The following LRCH2 variants were observed in gnomAD, a reference collection of about 807,000 sequenced individuals.
LRCH2 encodes leucine-rich repeat and calponin homology domain-containing protein 2.
In LRCH2, 38 loss-of-function variants were observed where a neutral mutation model predicts 68.9. The ratio of observed to expected loss-of-function variants is 0.55; its 90% CI spans 0.43 to 0.72. The LOEUF (loss-of-function observed/expected upper bound fraction) is 0.72, where lower values mean the gene tolerates loss of function less well. Ranked by LOEUF, LRCH2 falls within the 30% of genes least tolerant of loss-of-function variation. The pLI, the probability that LRCH2 is intolerant of heterozygous loss-of-function variation, is 0.00. For synonymous variants in LRCH2, 191 were observed against 208.1 expected (o/e 0.92, Z 0.71); for missense variants, 528 against 572.9 (o/e 0.92, Z 0.80).
In LRCH2 at chrX:115,123,987, C is replaced by T; in HGVS notation, c.1807G>A (p.Asp603Asn). The change falls in exon 17 of 21, where the codon GAT becomes AAT. Residue 603 changes from aspartate to asparagine, a missense_variant. Transcript: ENST00000317135. ...CCAAAGGGACTGTGTGAAAAACCAT[C>T]AGTTCTGTCATATTCCTAAAAAAAA... ...PVSSEEYDRT[D>N]GFSHSPFGLK... is the part of the protein sequence containing the mutation. 2 of 1,080,992 alleles carry T rather than the reference C, an allele frequency of 1.9e-6. No homozygotes were observed. The highest frequency in any genetic ancestry group is 2.4e-6 in the Non-Finnish European group (2 of 818,125). 89.1% of individuals were successfully genotyped at this position (1,080,992 alleles called of 1,213,427 possible).
intron 1 of LRCH2, among the ~76,000 whole-genome samples, chrX:115,193,520 C>T (rs979274749): frequency 8.9e-6 from 1 of 112,060 alleles, no homozygotes; most frequent in African/African-American, 3.2e-5. Context: ...CAAGTACACA[C>T]AAATATACTT....
chrX:115,234,065 C>G lies in LRCH2; in HGVS notation c.-24G>C, dbSNP rs1487871360. On this transcript the variant is annotated 5_prime_UTR_variant, in exon 1 of 21. Transcript: ENST00000317135. ...ATGTTCCTGGGAGAGAGAATAGCCC[C>G]CGACAATACTGTCAGCCTGTGCCGC... 5.4e-5 allele frequency: 63 copies of G among 1,156,117 alleles called. No individual in the cohort carries two copies. The highest frequency in any genetic ancestry group is 7.1e-5 in the Non-Finnish European group (62 of 867,930).
intron 1 of LRCH2, chrX:115,189,410 A>G: frequency 8.7e-7 from 1 of 1,145,574 alleles, no homozygotes; most frequent in Non-Finnish European, 1.2e-6. Flanking sequence ...ATCACTTCCC[A>G]CTTCCTCTGA....
intron 1 of LRCH2, among the ~76,000 whole-genome samples, chrX:115,194,174 C>T (rs1556562451): frequency 1.8e-5 from 2 of 111,139 alleles, no homozygotes; most frequent in Non-Finnish European, 1.9e-5. Flanking sequence ...TATATATTCT[C>T]ATTCTTAACC....
chrX:115,162,433 A>G (rs2072527162), intron 11 of LRCH2, among the ~76,000 whole-genome samples: 1 of 111,737 alleles, frequency 8.9e-6, no homozygotes, highest in African/African-American at 3.3e-5. Flanking sequence ...AATTTTTAAA[A>G]GGCCCATTAG....
intron 14 of LRCH2, among the ~76,000 whole-genome samples, chrX:115,136,179 G>A (rs2072288194): frequency 9.0e-6 from 1 of 111,462 alleles, no homozygotes; most frequent in Non-Finnish European, 1.9e-5. Context: ...ATAGTTAATA[G>A]GTATCCAAGT....
intron 1 of LRCH2, among the ~76,000 whole-genome samples, chrX:115,230,288 T>A (rs2073144802): frequency 9.0e-6 from 1 of 110,662 alleles, no homozygotes; most frequent in Admixed American, 9.6e-5. Context: ...TGGGTGAAAA[T>A]TTTAATCAAG....
At chrX:115,230,025 A>G (rs909432753) in intron 1 of LRCH2, among the ~76,000 whole-genome samples, 2 of 112,395 alleles carry the variant, frequency 1.8e-5, no homozygotes, top group African/African-American at 6.5e-5. Context: ...ACGCTGAAAC[A>G]TATCCACTTA....
At chrX:115,191,203 G>A (rs1213511245) in intron 1 of LRCH2, 26 of 1,159,114 alleles carry the variant, frequency 2.2e-5, no homozygotes, top group Non-Finnish European at 3.0e-5. Context: ...CTACGGAGGA[G>A]GAGGCTGCTA....
In LRCH2 at chrX:115,227,222, G is replaced by C. The variant is rs782651625; in HGVS notation, c.349+6471C>G. Among the ~76,000 whole-genome samples the C allele has an allele frequency of 2.1e-3, 226 of 108,547 alleles. 1 individual carries two copies. Among genetic ancestry groups the C allele is most frequent in the African/African-American group, 7.2e-3 (215 of 29,714 alleles). The allele number at this position is 108,547 out of a possible 115,157, so 94.3% of individuals were successfully genotyped here. ...GAGGATCACTTGAGCCCCCGAGTTA[G>C]AGCCTGTGAACAGCCACTATATTCC... On this transcript the variant is annotated intron_variant, in intron 1 of 20. Transcript: ENST00000317135.
At chrX:115,216,693 C>T (rs906583796) in intron 1 of LRCH2, among the ~76,000 whole-genome samples, 49 of 111,786 alleles carry the variant, frequency 4.4e-4, no homozygotes, top group African/African-American at 1.4e-3. Context: ...CTGGGGAAAA[C>T]AGTATGACGA....
chrX:115,227,962 T>C (rs1334537199), intron 1 of LRCH2, among the ~76,000 whole-genome samples: 1 of 112,017 alleles, frequency 8.9e-6, no homozygotes, highest in Non-Finnish European at 1.9e-5. Flanking sequence ...ACTTTCCTAT[T>C]TGGAAAAAAC....
intron 1 of LRCH2, among the ~76,000 whole-genome samples, chrX:115,223,466 T>G (rs1391859188): frequency 9.1e-6 from 1 of 109,473 alleles, no homozygotes; most frequent in Admixed American, 9.7e-5. Context: ...AAAAAACCTC[T>G]TACAACTCAG....
chrX:115,136,413 T>C, intron 14 of LRCH2, among the ~76,000 whole-genome samples: 1 of 112,150 alleles, frequency 8.9e-6, no homozygotes, highest in African/African-American at 3.2e-5. Flanking sequence ...AGATTACTTA[T>C]AATACTGAAT....
intron 14 of LRCH2, among the ~76,000 whole-genome samples, chrX:115,136,980 T>C (rs2072295990): frequency 8.9e-6 from 1 of 112,385 alleles, no homozygotes; most frequent in Non-Finnish European, 1.9e-5. Context: ...GATACATGCA[T>C]ACAATGTGTA....
rs1556558177 is a variant in LRCH2, at chrX:115,190,803, G to A, written c.350-2433C>T. On this transcript the variant is annotated intron_variant, in intron 1 of 20. Coordinates refer to ENST00000317135, the MANE Select transcript of LRCH2 (RefSeq NM_020871.4). Reference sequence around the variant, plus strand: ...GCCGGTCCGACGACGCCTACAGTGGGGGCCATGACAGTTCCAGCTGGAGCG... The same window carrying A: ...GCCGGTCCGACGACGCCTACAGTGGAGGCCATGACAGTTCCAGCTGGAGCG... 4 of 1,155,367 alleles carry A rather than the reference G, an allele frequency of 3.5e-6. No individual in the cohort carries two copies. In the South Asian group the frequency reaches 5.8e-5, roughly 17 times the overall value.
chrX:115,142,754 T>C (rs1221219154), intron 14 of LRCH2, among the ~76,000 whole-genome samples: 1 of 111,419 alleles, frequency 9.0e-6, no homozygotes, highest in Non-Finnish European at 1.9e-5. Context: ...ACATAATGAT[T>C]CATCTTAAAG....
chrX:115,138,288 G>C (rs1299432432), intron 14 of LRCH2, among the ~76,000 whole-genome samples: 1 of 111,556 alleles, frequency 9.0e-6, no homozygotes, highest in East Asian at 2.9e-4. Context: ...GAGAGACACA[G>C]AAAAGATTCT....
chrX:115,154,366 G>T (rs927400143), intron 12 of LRCH2, among the ~76,000 whole-genome samples: 6 of 111,674 alleles, frequency 5.4e-5, no homozygotes, highest in African/African-American at 1.9e-4. Flanking sequence ...AATAGGTAAG[G>T]TATTGAAGAT....
Sources: gnomAD v4.1 joint callset for allele counts (sites outside exome capture counted in the v4.1 genomes callset) on GRCh38, gnomAD v4.1.1 for gene constraint, MANE v1.5 for transcripts, NCBI Gene and HGNC (gene_info 2026-07-23, HGNC 2026-07-21) for gene names.